The following TTC9 variants were observed in gnomAD, a reference collection of about 807,000 sequenced individuals.
The protein encoded by TTC9 is tetratricopeptide repeat protein 9A.
TTC9 carries 13 observed loss-of-function variants against 22.9 expected under a neutral mutation model. The observed-to-expected ratio is 0.57, with a 90% CI of 0.37 to 0.90. TTC9 has a LOEUF of 0.90. TTC9 is among the 40% of genes least tolerant of loss of function. TTC9 has a pLI of 0.01. For missense variants in TTC9, 280 were observed against 291.8 expected (o/e 0.96, Z 0.29); for synonymous variants, 148 against 133.2 (o/e 1.11, Z -0.77).
chr14:70,654,385 G>A (rs892553003), intron 1 of TTC9, among the ~76,000 whole-genome samples: 1 of 151,926 alleles, frequency 6.6e-6, no homozygotes. Context: ...GAGGTCAGGA[G>A]TTTGAGACCA....
chr14:70,653,386 G>T (rs1338818072), intron 1 of TTC9, among the ~76,000 whole-genome samples: 1 of 152,116 alleles, frequency 6.6e-6, no homozygotes, highest in African/African-American at 2.4e-5. Context: ...GACAGGAGAG[G>T]TGAGAAGGTA....
intron 1 of TTC9, among the ~76,000 whole-genome samples, chr14:70,653,640 A>G (rs1300609637): frequency 6.6e-6 from 1 of 152,146 alleles, no homozygotes; most frequent in African/African-American, 2.4e-5. Flanking sequence ...AGATTCTCCA[A>G]ATGAATAAGG....
chr14:70,643,862 G>C (rs1885865403), intron 1 of TTC9, among the ~76,000 whole-genome samples: 1 of 152,208 alleles, frequency 6.6e-6, no homozygotes, highest in African/African-American at 2.4e-5. Context: ...AGACTTAAAG[G>C]ATTAATAGAG....
intron 1 of TTC9, among the ~76,000 whole-genome samples, chr14:70,662,639 C>T (rs1032848507): frequency 7.2e-5 from 11 of 152,304 alleles, no homozygotes; most frequent in East Asian, 5.8e-4. Flanking sequence ...TCTGAAAGGA[C>T]GGTAGAGATC....
chr14:70,669,247 A>G (rs1444690712), intron 2 of TTC9, among the ~76,000 whole-genome samples: 1 of 151,846 alleles, frequency 6.6e-6, no homozygotes, highest in East Asian at 1.9e-4. Context: ...AACAACTTTG[A>G]CTTGATGTTG....
chr14:70,668,202 C>T (rs541118902), intron 2 of TTC9, among the ~76,000 whole-genome samples: 1 of 152,304 alleles, frequency 6.6e-6, no homozygotes, highest in African/African-American at 2.4e-5. Flanking sequence ...TCTGACTTCT[C>T]CAGTCAGATG....
In TTC9 at chr14:70,645,963, A is replaced by G. The variant is rs146719765; in HGVS notation, c.406+3428A>G. Among the ~76,000 whole-genome samples, 7 of 152,344 alleles carry G rather than the reference A, an allele frequency of 4.6e-5. No homozygotes were observed. In the East Asian group the frequency reaches 1.3e-3, roughly 29 times the overall value. On this transcript the variant is annotated intron_variant, in intron 1 of 2. Coordinates refer to ENST00000256367, the MANE Select transcript of TTC9 (RefSeq NM_015351.2). ...AGGCTTCTGGAATACATCTAGGCTC[A>G]GTGAACCCTTGTACTCCACATGGAA...
At chr14:70,659,274 G>A (rs1210135050) in intron 1 of TTC9, among the ~76,000 whole-genome samples, 21 of 152,208 alleles carry the variant, frequency 1.4e-4, no homozygotes, top group Non-Finnish European at 1.8e-4. Context: ...TAGCGCTAAG[G>A]GAAAATGGGT....
At chr14:70,654,913 TG>T (rs775530012) in intron 1 of TTC9, among the ~76,000 whole-genome samples, 3 of 152,202 alleles carry the variant, frequency 2.0e-5, no homozygotes, top group Non-Finnish European at 2.9e-5. Context: ...TTTGAACACT[TG>T]GTTGCCTTTG....
chr14:70,666,241 G>C lies in TTC9; in HGVS notation c.407-1323G>C, dbSNP rs79171313. 1.4e-3 allele frequency among the ~76,000 whole-genome samples: 208 copies of C among 152,284 alleles called. No individual in the cohort carries two copies. In the Middle Eastern group the frequency reaches 0.024, roughly 17 times the overall value. ...AGCCCTGTGGCTCCCTGTGGCTCAG[G>C]GCTGGTAAGGGAAAGCTCAAAGGGA... On this transcript the variant is annotated intron_variant, in intron 1 of 2. Coordinates refer to ENST00000256367, the MANE Select transcript of TTC9 (RefSeq NM_015351.2).
rs1214548622 is a variant in TTC9, at chr14:70,665,659, C to T, written c.407-1905C>T. Among the ~76,000 whole-genome samples, 3 of 152,184 alleles carry T rather than the reference C, an allele frequency of 2.0e-5. No homozygotes were observed. In the East Asian group the frequency reaches 5.8e-4, roughly 29 times the overall value. On this transcript the variant is annotated intron_variant, in intron 1 of 2. Coordinates refer to ENST00000256367, the MANE Select transcript of TTC9 (RefSeq NM_015351.2). ...GCTGATTCTCTTTCACTTCCTGGTT[C>T]TCATACCTTCATCTTGACAGTCTGT...
In TTC9 at chr14:70,668,309, A is replaced by G. The variant is rs193110933; in HGVS notation, c.589+563A>G. 3.9e-3 allele frequency among the ~76,000 whole-genome samples: 600 copies of G among 152,328 alleles called. 2 individuals carry two copies. Among genetic ancestry groups the G allele is most frequent in the Middle Eastern group, 0.02 (6 of 294 alleles). On this transcript the variant is annotated intron_variant, in intron 2 of 2. Transcript: ENST00000256367. ...CCACAGATATTTATTGAGGGGGTAC[A>G]ATATTGCTAGGTATATAGTAGTGAA... is the stretch of plus-strand genomic sequence containing the variant.
rs1458944694 is a variant in TTC9 at position 70,671,356 on chromosome 14, G to A, written c.*201G>A. On this transcript the variant is annotated 3_prime_UTR_variant, in exon 3 of 3. Transcript: ENST00000256367. ...AATTTGGAATCTGGTAGGTCGCCCA[G>A]ACAATGGAGACATCCTCTCCTCTAG... 8.1e-6 allele frequency: 4 copies of A among 496,566 alleles called. No individual in the cohort carries two copies. The highest frequency in any genetic ancestry group is 1.1e-5 in the Non-Finnish European group (3 of 272,300). The allele number at this position is 496,566 out of a possible 1,614,324, so 30.8% of individuals were successfully genotyped here.
At chr14:70,649,012 T>C (rs1384677398) in intron 1 of TTC9, among the ~76,000 whole-genome samples, 2 of 152,212 alleles carry the variant, frequency 1.3e-5, no homozygotes, top group African/African-American at 2.4e-5. Context: ...TCAAGATTTC[T>C]GTAAAATCAG....
intron 2 of TTC9, among the ~76,000 whole-genome samples, chr14:70,669,082 G>A (rs1280413784): frequency 1.3e-5 from 2 of 151,842 alleles, no homozygotes; most frequent in East Asian, 3.9e-4. Context: ...CTTGAACCCA[G>A]GAGGCGGAGG....
rs946868890 is a variant in TTC9, at chr14:70,648,256, G to A, written c.406+5721G>A. ...TTGACCAATAAATCTTAAGGGTCAAGTAAATGGGGCTTGTAATACCTTCTT... is the reference window on the plus strand; with the variant it reads ...TTGACCAATAAATCTTAAGGGTCAAATAAATGGGGCTTGTAATACCTTCTT... On this transcript the variant is annotated intron_variant, in intron 1 of 2. Coordinates refer to ENST00000256367, the MANE Select transcript of TTC9 (RefSeq NM_015351.2). Among the ~76,000 whole-genome samples the A allele has an allele frequency of 6.6e-5, 10 of 152,230 alleles. No homozygotes were observed. The East Asian group carries it at 1.9e-3, about 29-fold the overall frequency.
chr14:70,659,132 G>GCGCGCACACACACACACACACACACA (rs762892061), intron 1 of TTC9, among the ~76,000 whole-genome samples: 10 of 144,224 alleles, frequency 6.9e-5, no homozygotes, highest in African/African-American at 2.3e-4. Context: ...ACACACACAC[G>GCGCGCACACACACACACACACACACA]CACACACACA....
chr14:70,655,121 C>T (rs1169964643), intron 1 of TTC9, among the ~76,000 whole-genome samples: 1 of 152,204 alleles, frequency 6.6e-6, no homozygotes, highest in African/African-American at 2.4e-5. Flanking sequence ...AGCCCAGGCT[C>T]AGTGGCTCCC....
intron 1 of TTC9, among the ~76,000 whole-genome samples, chr14:70,660,754 A>C (rs1886134336): frequency 6.6e-6 from 1 of 152,224 alleles, no homozygotes; most frequent in African/African-American, 2.4e-5. Context: ...TGGTTTGGTT[A>C]TGATCTATAC....
Sources: gnomAD v4.1 joint callset for allele counts (sites outside exome capture counted in the v4.1 genomes callset) on GRCh38, gnomAD v4.1.1 for gene constraint, MANE v1.5 for transcripts, NCBI Gene and HGNC (gene_info 2026-07-23, HGNC 2026-07-21) for gene names.